The following TENM4 variants were observed in gnomAD, a reference collection of about 807,000 sequenced individuals.
TENM4 encodes the protein teneurin transmembrane protein 4, also known as teneurin-4.
In TENM4, 82 loss-of-function variants were observed where a neutral mutation model predicts 243.3. The observed-to-expected ratio is 0.34, with a 90% CI of 0.28 to 0.40. The LOEUF (loss-of-function observed/expected upper bound fraction) is 0.40. TENM4 is among the 10% of genes least tolerant of loss of function. TENM4 has a pLI of 1.00. For missense variants in TENM4, 3,138 were observed against 3,673.3 expected (o/e 0.85, Z 3.77); for synonymous variants, 1,412 against 1,456.3 (o/e 0.97, Z 0.69).
intron 6 of TENM4, among the ~76,000 whole-genome samples, chr11:78,919,727 T>C (rs754753060): frequency 2.6e-5 from 4 of 152,106 alleles, no homozygotes; most frequent in Non-Finnish European, 4.4e-5. Context: ...CCCTGGACTT[T>C]CAGTAACACC....
chr11:79,339,308 C>G (rs969336983), intron 1 of TENM4, among the ~76,000 whole-genome samples: 1 of 152,236 alleles, frequency 6.6e-6, no homozygotes, highest in African/African-American at 2.4e-5. Context: ...GCTAGGATGC[C>G]TGCTCTATCT....
intron 19 of TENM4, among the ~76,000 whole-genome samples, chr11:78,754,793 T>A (rs1208265781): frequency 6.6e-6 from 1 of 152,206 alleles, no homozygotes; most frequent in Non-Finnish European, 1.5e-5. Context: ...TTTGGGAAAG[T>A]TACTTAACCT....
chr11:78,711,405 A>G (rs1206469206), intron 26 of TENM4, among the ~76,000 whole-genome samples: 1 of 152,254 alleles, frequency 6.6e-6, no homozygotes, highest in Non-Finnish European at 1.5e-5. Context: ...AATGAGGCTC[A>G]GAGAACTTCA....
chr11:78,927,610 G>T (rs1856580073), intron 6 of TENM4, among the ~76,000 whole-genome samples: 1 of 152,156 alleles, frequency 6.6e-6, no homozygotes, highest in African/African-American at 2.4e-5. Flanking sequence ...GCGTCAGGCT[G>T]GCTCCATCTC....
intron 9 of TENM4, among the ~76,000 whole-genome samples, chr11:78,872,884 G>A (rs1312856449): frequency 6.6e-6 from 1 of 152,106 alleles, no homozygotes; most frequent in African/African-American, 2.4e-5. Flanking sequence ...TACCTCAAAT[G>A]GAGTTTTAAT....
chr11:79,376,483 C>A (rs1857893047), intron 1 of TENM4, among the ~76,000 whole-genome samples: 1 of 152,194 alleles, frequency 6.6e-6, no homozygotes, highest in Non-Finnish European at 1.5e-5. Flanking sequence ...TCAGTTTAAG[C>A]CTGGCCTGCT....
At position 79,269,202 on chromosome 11, in the gene TENM4, A is replaced by G. The variant is rs370845222; in HGVS notation, c.-265+28286T>C. 1.9e-4 allele frequency among the ~76,000 whole-genome samples: 29 copies of G among 152,338 alleles called. No individual in the cohort carries two copies. The South Asian group carries it at 6.0e-3, about 32-fold the overall frequency. ...GAACATGCTGTTCAAAGTAGTAGCT[A>G]AAATTACTGTTACAAAATTCTTAGT... On this transcript the variant is annotated intron_variant, in intron 2 of 33. Transcript: ENST00000278550.
At chr11:78,786,387 C>T (rs1308732659) in intron 16 of TENM4, among the ~76,000 whole-genome samples, 2 of 152,264 alleles carry the variant, frequency 1.3e-5, no homozygotes, top group Admixed American at 6.5e-5. Context: ...GCATGGAGGG[C>T]TCAGAGCTAA....
At chr11:79,209,653 G>A (rs1250063934) in intron 3 of TENM4, among the ~76,000 whole-genome samples, 5 of 152,184 alleles carry the variant, frequency 3.3e-5, no homozygotes, top group Non-Finnish European at 7.3e-5. Context: ...AAGAAGCCTA[G>A]GAAGATAGAC....
intron 18 of TENM4, among the ~76,000 whole-genome samples, chr11:78,763,521 C>T (rs562580567): frequency 3.3e-5 from 5 of 152,232 alleles, no homozygotes; most frequent in Non-Finnish European, 7.3e-5. Flanking sequence ...CTTCTGCTAA[C>T]GTTTTCATCT....
At chr11:79,167,838 G>A (rs1281311846) in intron 3 of TENM4, among the ~76,000 whole-genome samples, 1 of 152,200 alleles carries the variant, frequency 6.6e-6, no homozygotes. Flanking sequence ...TGTGTCCACA[G>A]GGCCTGCAAA....
intron 3 of TENM4, among the ~76,000 whole-genome samples, chr11:79,183,836 T>A (rs981171742): frequency 2.6e-5 from 4 of 151,934 alleles, no homozygotes; most frequent in African/African-American, 9.7e-5. Context: ...GGATGGCTTA[T>A]CAAAAAAACA....
chr11:79,431,847 T>C (rs953279590), intron 1 of TENM4, among the ~76,000 whole-genome samples: 1 of 152,342 alleles, frequency 6.6e-6, no homozygotes, highest in East Asian at 1.9e-4. Flanking sequence ...AATTACTCAG[T>C]AGTTGCCATG....
chr11:78,903,558 C>T, intron 6 of TENM4, 35 bp from the exon 7 acceptor site: 1 of 1,541,324 alleles, frequency 6.5e-7, no homozygotes, highest in Non-Finnish European at 8.7e-7. Context: ...CGGCGGTGAG[C>T]TTGGTGCTGC....
At chr11:78,959,316 A>C (rs1168322655) in intron 6 of TENM4, among the ~76,000 whole-genome samples, 1 of 152,230 alleles carries the variant, frequency 6.6e-6, no homozygotes, top group African/African-American at 2.4e-5. Context: ...AGAAACAATA[A>C]AGATAATTCC....
chr11:79,139,943 C>G (rs563137575), intron 4 of TENM4, among the ~76,000 whole-genome samples: 2 of 149,862 alleles, frequency 1.3e-5, no homozygotes, highest in African/African-American at 4.9e-5. Context: ...GAAGATGGAA[C>G]CAACATTCCT....
At chr11:78,779,266 A>G (rs1412209429) in intron 16 of TENM4, among the ~76,000 whole-genome samples, 1 of 152,256 alleles carries the variant, frequency 6.6e-6, no homozygotes, top group Non-Finnish European at 1.5e-5. Context: ...CGTTCTAAGT[A>G]AGATGCATTC....
At chr11:78,953,069 T>C (rs535471681) in intron 6 of TENM4, among the ~76,000 whole-genome samples, 201 of 152,358 alleles carry the variant, frequency 1.3e-3, no homozygotes, top group African/African-American at 4.7e-3. Context: ...CCAGTCATTT[T>C]CCTTTCCTTT....
rs1052885163 is a variant in TENM4 at position 79,304,485 on chromosome 11, C to G, written c.-320-6942G>C. Among the ~76,000 whole-genome samples, 4 of 152,160 alleles carry G rather than the reference C, an allele frequency of 2.6e-5. No homozygotes were observed. The South Asian group carries it at 6.2e-4, about 24-fold the overall frequency. On this transcript the variant is annotated intron_variant, in intron 1 of 33. Transcript: ENST00000278550. ...TCCAGCTTTATCATTAATTATCAGG[C>G]CTTGGATTTTTCCCCCTGGACATCC...
Sources: allele counts gnomAD v4.1 joint callset (sites outside exome capture counted in the v4.1 genomes callset), GRCh38; gene constraint gnomAD v4.1.1; transcripts MANE v1.5; gene names NCBI Gene and HGNC (gene_info 2026-07-23, HGNC 2026-07-21).